CSGALNACT1: variants seen among roughly 807,000 people sequenced by gnomAD.
CSGALNACT1 encodes beta4GalNAcT-1.
In CSGALNACT1, 52 loss-of-function variants were observed where a neutral mutation model predicts 51.0. The ratio of observed to expected loss-of-function variants is 1.02; its 90% CI spans 0.82 to 1.29. The LOEUF (loss-of-function observed/expected upper bound fraction) is 1.29. CSGALNACT1 is among the 50% of genes most tolerant of loss of function. The pLI is 0.00. For synonymous variants in CSGALNACT1, 341 were observed against 254.4 expected (o/e 1.34, Z -3.24); for missense variants, 935 against 679.2 (o/e 1.38, Z -4.19).
chr8:19,579,343 G>A (rs1474871494), intron 3 of CSGALNACT1, among the ~76,000 whole-genome samples: 2 of 152,092 alleles, frequency 1.3e-5, no homozygotes, highest in African/African-American at 4.8e-5. Flanking sequence ...TGGCTGACAG[G>A]GTCTGCAGCA....
intron 1 of CSGALNACT1, among the ~76,000 whole-genome samples, chr8:19,701,670 G>A (rs780566462): frequency 8.5e-5 from 13 of 152,158 alleles, no homozygotes; most frequent in Admixed American, 8.5e-4. Context: ...TAATGATGAC[G>A]ATGATCACAA....
At chr8:19,606,470 T>A (rs1419930714), upstream of CSGALNACT1, among the ~76,000 whole-genome samples, 1 of 152,186 alleles carries the variant, frequency 6.6e-6, no homozygotes, top group Admixed American at 6.5e-5. Flanking sequence ...CTATACAATA[T>A]CCTTAACCAC....
intron 1 of CSGALNACT1, among the ~76,000 whole-genome samples, chr8:19,645,362 G>C (rs2057167545): frequency 6.6e-6 from 1 of 152,182 alleles, no homozygotes. Context: ...GATAACAAAA[G>C]CTATAAAACA....
At chr8:19,466,597 A>G (rs532261378) in intron 4 of CSGALNACT1, among the ~76,000 whole-genome samples, 2 of 152,256 alleles carry the variant, frequency 1.3e-5, no homozygotes, top group African/African-American at 4.8e-5. Context: ...CATGAGATAA[A>G]TGAGACACTA....
chr8:19,631,258 T>C (rs1253080600), intron 1 of CSGALNACT1, among the ~76,000 whole-genome samples: 1 of 152,116 alleles, frequency 6.6e-6, no homozygotes, highest in Non-Finnish European at 1.5e-5. Flanking sequence ...ATGTTTAGCT[T>C]TGGAAAAAAA....
At chr8:19,739,015 G>C (rs770841765) in intron 1 of CSGALNACT1, among the ~76,000 whole-genome samples, 9 of 152,008 alleles carry the variant, frequency 5.9e-5, no homozygotes, top group Non-Finnish European at 1.2e-4. Flanking sequence ...TTTGAGATAA[G>C]GACAATTTAA....
At chr8:19,518,596 G>A (rs1336238749) in intron 3 of CSGALNACT1, among the ~76,000 whole-genome samples, 1 of 152,166 alleles carries the variant, frequency 6.6e-6, no homozygotes, top group African/African-American at 2.4e-5. Context: ...TTTCTGCTCT[G>A]AGACTCCTTT....
intron 5 of CSGALNACT1, among the ~76,000 whole-genome samples, chr8:19,445,845 G>C (rs2062022133): frequency 6.6e-6 from 1 of 152,142 alleles, no homozygotes; most frequent in South Asian, 2.1e-4. Context: ...GTGAGTGAAT[G>C]TGTCCATATG....
intron 3 of CSGALNACT1, among the ~76,000 whole-genome samples, chr8:19,557,028 A>C (rs2039613802): frequency 6.6e-6 from 1 of 151,776 alleles, no homozygotes; most frequent in Non-Finnish European, 1.5e-5. Flanking sequence ...CATCCTTCAG[A>C]GAAGAAAAGC....
At chr8:19,518,715 C>T (rs1373300123) in intron 3 of CSGALNACT1, among the ~76,000 whole-genome samples, 1 of 152,178 alleles carries the variant, frequency 6.6e-6, no homozygotes, top group African/African-American at 2.4e-5. Context: ...CCACGAGGAA[C>T]CCCAGGGTAT....
chr8:19,691,436 C>CAAAACA (rs969024611), intron 1 of CSGALNACT1, among the ~76,000 whole-genome samples: 6 of 152,144 alleles, frequency 3.9e-5, no homozygotes, highest in African/African-American at 1.4e-4. Context: ...ACAAACAAAA[C>CAAAACA]AAAACAAAAA....
chr8:19,687,611 TC>T (rs1341718330), intron 1 of CSGALNACT1, among the ~76,000 whole-genome samples: 1 of 152,212 alleles, frequency 6.6e-6, no homozygotes, highest in Non-Finnish European at 1.5e-5. Context: ...CTAATATAAT[TC>T]CTGAAATATC....
chr8:19,655,577 CACATATATATAT>C (rs1458060269), intron 1 of CSGALNACT1, among the ~76,000 whole-genome samples: 1 of 147,538 alleles, frequency 6.8e-6, no homozygotes, highest in East Asian at 2.0e-4. Context: ...CACACACACA[CACATATATATAT>C]ATATATATTT....
At chr8:19,475,754 T>A (rs2069442286) in intron 4 of CSGALNACT1, among the ~76,000 whole-genome samples, 2 of 152,158 alleles carry the variant, frequency 1.3e-5, no homozygotes, top group South Asian at 4.1e-4. Context: ...CCAAACTATG[T>A]TTTGGTCACG....
Position 19,440,191 on chromosome 8 carries a change from C to G in CSGALNACT1, c.852-260G>C, listed in dbSNP as rs989066525. 2.0e-5 allele frequency among the ~76,000 whole-genome samples: 3 copies of G among 152,154 alleles called. No individual in the cohort carries two copies. In the South Asian group the frequency reaches 6.2e-4, roughly 31 times the overall value. On this transcript the variant is annotated intron_variant, in intron 5 of 9. Coordinates refer to ENST00000454498, the Ensembl canonical transcript of CSGALNACT1. ...TGCAAGGCACCTCAGGTCCAATCTG[C>G]CACAGTCCTAGCCCACCGGGCCTAG...
At chr8:19,524,809 A>T (rs557115557) in intron 3 of CSGALNACT1, among the ~76,000 whole-genome samples, 6 of 152,330 alleles carry the variant, frequency 3.9e-5, no homozygotes, top group African/African-American at 1.4e-4. Context: ...TCAATGACAG[A>T]ACAGACATAA....
At chr8:19,610,286 T>C (rs1294087695) in intron 1 of CSGALNACT1, among the ~76,000 whole-genome samples, 1 of 80,794 alleles carries the variant, frequency 1.2e-5, no homozygotes, top group African/African-American at 9.8e-5. Flanking sequence ...TACGACTCCG[T>C]CTCAAAAAAA....
intron 1 of CSGALNACT1, among the ~76,000 whole-genome samples, chr8:19,748,290 A>G (rs556685791): frequency 6.6e-6 from 1 of 152,324 alleles, no homozygotes; most frequent in Non-Finnish European, 1.5e-5. Flanking sequence ...GTCAGTCTAG[A>G]ACTTCAAAGA....
intron 4 of CSGALNACT1, among the ~76,000 whole-genome samples, chr8:19,486,393 G>A (rs929158050): frequency 1.3e-5 from 2 of 152,090 alleles, no homozygotes; most frequent in African/African-American, 4.8e-5. Context: ...TTCTAAAACT[G>A]GGTCTTCCCA....
Sources: allele counts gnomAD v4.1 joint callset (sites outside exome capture counted in the v4.1 genomes callset), GRCh38; gene constraint gnomAD v4.1.1; transcripts MANE v1.5; gene names NCBI Gene and HGNC (gene_info 2026-07-23, HGNC 2026-07-21).